QTMAN: variants seen among roughly 807,000 people sequenced by gnomAD.
QTMAN encodes the protein tRNA-queuosine alpha-mannosyltransferase.
the QTMAN span, chr2:143,945,362 G>GT: frequency 6.6e-6 from 1 of 152,212 alleles, no homozygotes; most frequent in Non-Finnish European, 1.5e-5. Flanking sequence ...AGCCAGTGCT[G>GT]TGGTGGCCCA....
the QTMAN span, among the ~76,000 whole-genome samples, chr2:143,991,766 C>T: frequency 5.4e-5 from 8 of 148,962 alleles, no homozygotes; most frequent in Non-Finnish European, 7.5e-5. Context: ...CGCCAGCCGC[C>T]CCGTCTGGGA....
At chr2:144,276,992 G>T in the QTMAN span, among the ~76,000 whole-genome samples, 1 of 152,120 alleles carries the variant, frequency 6.6e-6, no homozygotes, top group Non-Finnish European at 1.5e-5. Flanking sequence ...ATCAAGATGT[G>T]GCACACAGTG....
the QTMAN span, among the ~76,000 whole-genome samples, chr2:143,990,043 G>T: frequency 6.6e-6 from 1 of 152,066 alleles, no homozygotes. Flanking sequence ...GAATCTCTCA[G>T]TGTGGGGGGC....
the QTMAN span, among the ~76,000 whole-genome samples, chr2:144,187,926 G>GAC: frequency 1.2e-4 from 18 of 152,124 alleles, no homozygotes; most frequent in African/African-American, 2.2e-4. Context: ...TATAAAAAAG[G>GAC]ACACACACAC....
chr2:143,968,405 C>T, the QTMAN span, among the ~76,000 whole-genome samples: 326 of 152,134 alleles, frequency 2.1e-3, 1 homozygote, highest in African/African-American at 7.6e-3. Flanking sequence ...TGTGTGGAAG[C>T]GAAGCCAAAG....
chr2:143,996,776 T>C, the QTMAN span, among the ~76,000 whole-genome samples: 23 of 152,046 alleles, frequency 1.5e-4, no homozygotes, highest in Admixed American at 1.3e-4. Flanking sequence ...AACAGGACAA[T>C]GATTTTTGAG....
the QTMAN span, among the ~76,000 whole-genome samples, chr2:144,256,989 A>G: frequency 5.2e-4 from 79 of 151,800 alleles, 1 homozygote; most frequent in Non-Finnish European, 1.0e-3. Context: ...ATATCAGGAT[A>G]TTTTACTACT....
the QTMAN span, among the ~76,000 whole-genome samples, chr2:144,230,923 CT>C: frequency 6.6e-6 from 1 of 152,214 alleles, no homozygotes; most frequent in African/African-American, 2.4e-5. Context: ...TCTACTTACA[CT>C]ATCAGCAGCT....
the QTMAN span, among the ~76,000 whole-genome samples, chr2:144,285,138 T>C: frequency 6.6e-6 from 1 of 151,914 alleles, no homozygotes; most frequent in Non-Finnish European, 1.5e-5. Context: ...AAAAAAAAGT[T>C]GATTGGTAGC....
At chr2:144,113,877 A>G in the QTMAN span, among the ~76,000 whole-genome samples, 1 of 152,208 alleles carries the variant, frequency 6.6e-6, no homozygotes, top group East Asian at 1.9e-4. Context: ...CTAGGTAAAT[A>G]GTAGACCACA....
At chr2:144,163,700 T>C in the QTMAN span, among the ~76,000 whole-genome samples, 1 of 152,200 alleles carries the variant, frequency 6.6e-6, no homozygotes, top group Admixed American at 6.5e-5. Flanking sequence ...AAAAATCATG[T>C]CATCTCCATA....
the QTMAN span, among the ~76,000 whole-genome samples, chr2:144,157,229 T>C: frequency 1.6e-4 from 24 of 152,214 alleles, no homozygotes; most frequent in South Asian, 3.3e-3. Flanking sequence ...GAACTTTTGG[T>C]ATAAATATGC....
At chr2:144,108,569 C>T in the QTMAN span, among the ~76,000 whole-genome samples, 67 of 151,078 alleles carry the variant, frequency 4.4e-4, 1 homozygote, top group Non-Finnish European at 7.1e-4. Flanking sequence ...ACCTGGGAGG[C>T]GGAGCTTGGA....
chr2:143,970,216 A>C, the QTMAN span, among the ~76,000 whole-genome samples: 1 of 152,228 alleles, frequency 6.6e-6, no homozygotes, highest in Non-Finnish European at 1.5e-5. Flanking sequence ...CATGGACTAT[A>C]GTCCATTCCA....
the QTMAN span, among the ~76,000 whole-genome samples, chr2:144,091,831 C>A: frequency 1.3e-5 from 2 of 152,120 alleles, no homozygotes; most frequent in Non-Finnish European, 2.9e-5. Context: ...ATCCATACAA[C>A]GACATACTAA....
chr2:143,968,937 C>T, the QTMAN span, among the ~76,000 whole-genome samples: 14 of 152,286 alleles, frequency 9.2e-5, no homozygotes, highest in African/African-American at 3.1e-4. Context: ...TCCTAAAATA[C>T]AGGTTTCATC....
the QTMAN span, among the ~76,000 whole-genome samples, chr2:144,066,716 T>C: frequency 6.6e-6 from 1 of 152,210 alleles, no homozygotes; most frequent in Non-Finnish European, 1.5e-5. Flanking sequence ...CTTGGGAGGC[T>C]GAGGCAGGAG....
chr2:143,990,364 T>C, the QTMAN span, among the ~76,000 whole-genome samples: 3 of 152,300 alleles, frequency 2.0e-5, no homozygotes, highest in South Asian at 2.1e-4. Context: ...AGAAGGACTC[T>C]GAACAAAATG....
chr2:144,008,087 T>A, the QTMAN span, among the ~76,000 whole-genome samples: 4 of 152,142 alleles, frequency 2.6e-5, no homozygotes, highest in Non-Finnish European at 5.9e-5. Context: ...CAGGACACTT[T>A]ATCACAAAGA....
Sources: allele counts gnomAD v4.1 joint callset (sites outside exome capture counted in the v4.1 genomes callset), GRCh38; gene constraint gnomAD v4.1.1; transcripts MANE v1.5; gene names NCBI Gene and HGNC (gene_info 2026-07-23, HGNC 2026-07-21).